The following SLC8A1 variants were observed in gnomAD, a reference collection of about 807,000 sequenced individuals.
SLC8A1 encodes the protein solute carrier family 8 member A1.
SLC8A1 carries 18 observed loss-of-function variants against 68.3 expected under a neutral mutation model. The observed-to-expected ratio is 0.26, with a 90% CI of 0.18 to 0.39. The LOEUF (loss-of-function observed/expected upper bound fraction) is 0.39, where lower values mean the gene tolerates loss of function less well. SLC8A1 is among the 10% of genes least tolerant of loss of function. The pLI, the probability that SLC8A1 is intolerant of heterozygous loss-of-function variation, is 1.00. For missense variants in SLC8A1, 985 were observed against 1,156.7 expected, an observed-to-expected ratio of 0.85 and a Z score of 2.15; for synonymous variants, 475 against 415.5, an observed-to-expected ratio of 1.14 and a Z score of -1.74.
intron 2 of SLC8A1, among the ~76,000 whole-genome samples, chr2:40,407,212 C>T (rs895051853): frequency 3.3e-5 from 5 of 152,058 alleles, no homozygotes; most frequent in African/African-American, 1.2e-4. Context: ...ATTACAGGTG[C>T]CCACCACCGG....
At chr2:40,339,615 G>C (rs1056680020) in intron 2 of SLC8A1, among the ~76,000 whole-genome samples, 1 of 152,162 alleles carries the variant, frequency 6.6e-6, no homozygotes, top group African/African-American at 2.4e-5. Flanking sequence ...AACTAATATA[G>C]GTTATGAAAT....
At chr2:40,329,012 G>T (rs1182405884) in intron 2 of SLC8A1, among the ~76,000 whole-genome samples, 1 of 150,262 alleles carries the variant, frequency 6.7e-6, no homozygotes, top group Non-Finnish European at 1.5e-5. Flanking sequence ...GTCCCTTATG[G>T]TTTCAACTCA....
intron 2 of SLC8A1, among the ~76,000 whole-genome samples, chr2:40,280,171 C>G (rs546586140): frequency 1.4e-5 from 2 of 146,804 alleles, no homozygotes; most frequent in African/African-American, 5.1e-5. Context: ...ATAGTGTAAA[C>G]CTGACTAAAA....
intron 1 of SLC8A1, among the ~76,000 whole-genome samples, chr2:40,494,763 G>A (rs1198233728): frequency 1.4e-5 from 2 of 146,512 alleles, no homozygotes; most frequent in African/African-American, 2.6e-5. Context: ...TTCATTAATG[G>A]ATGTAATTTC....
At chr2:40,260,204 A>C (rs1425249780) in intron 2 of SLC8A1, among the ~76,000 whole-genome samples, 1 of 152,140 alleles carries the variant, frequency 6.6e-6, no homozygotes, top group Non-Finnish European at 1.5e-5. Context: ...ATAATAGACA[A>C]ATGTGAATTA....
At chr2:40,443,329 A>G (rs1259679954) in intron 1 of SLC8A1, among the ~76,000 whole-genome samples, 5 of 152,202 alleles carry the variant, frequency 3.3e-5, no homozygotes, top group Non-Finnish European at 5.9e-5. Context: ...ATGTGACTAT[A>G]AAACTAAGTA....
At chr2:40,436,156 G>C (rs532391716) in intron 1 of SLC8A1, among the ~76,000 whole-genome samples, 41 of 151,556 alleles carry the variant, frequency 2.7e-4, no homozygotes, top group Non-Finnish European at 4.4e-4. Flanking sequence ...AACTCTCTAA[G>C]GGCAGGGATT....
chr2:40,271,192 A>G (rs542356884), intron 2 of SLC8A1, among the ~76,000 whole-genome samples: 1 of 151,670 alleles, frequency 6.6e-6, no homozygotes, highest in Non-Finnish European at 1.5e-5. Flanking sequence ...TGGCTGACAG[A>G]GCGTGACATG....
chr2:40,157,426 G>C (rs943583821), intron 6 of SLC8A1, among the ~76,000 whole-genome samples: 1 of 152,090 alleles, frequency 6.6e-6, no homozygotes, highest in Non-Finnish European at 1.5e-5. Flanking sequence ...TGTCTCCAAA[G>C]CCAGCCTTGC....
chr2:40,113,809 G>A (rs931659001), exon 8 of SLC8A1: 1 of 152,620 alleles, frequency 6.6e-6, no homozygotes, highest in Non-Finnish European at 1.5e-5. Context: ...TTTCTCCTTG[G>A]CCTTCCTGAA....
chr2:40,239,807 C>T (rs2060964504), intron 2 of SLC8A1, among the ~76,000 whole-genome samples: 1 of 152,222 alleles, frequency 6.6e-6, no homozygotes, highest in Non-Finnish European at 1.5e-5. Flanking sequence ...GTACAATTTG[C>T]TTAATGAAAT....
intron 1 of SLC8A1, among the ~76,000 whole-genome samples, chr2:40,463,474 T>C (rs1433776052): frequency 1.3e-5 from 2 of 152,204 alleles, no homozygotes; most frequent in African/African-American, 4.8e-5. Flanking sequence ...ATAGAACAAT[T>C]AGCCTTACAG....
intron 6 of SLC8A1, among the ~76,000 whole-genome samples, chr2:40,149,517 G>A (rs2043042915): frequency 6.6e-6 from 1 of 152,172 alleles, no homozygotes; most frequent in Non-Finnish European, 1.5e-5. Flanking sequence ...TGGAGGGAAA[G>A]TATTCCATGC....
chr2:40,478,563 A>C (rs1258654360), intron 1 of SLC8A1, among the ~76,000 whole-genome samples: 1 of 152,190 alleles, frequency 6.6e-6, no homozygotes, highest in Non-Finnish European at 1.5e-5. Flanking sequence ...AAGCTCAGGT[A>C]GTTTTTTCAC....
intron 7 of SLC8A1, among the ~76,000 whole-genome samples, chr2:40,129,234 A>T (rs1269412294): frequency 1.8e-4 from 26 of 144,026 alleles, no homozygotes; most frequent in African/African-American, 5.9e-4. Flanking sequence ...GAGATGTTTC[A>T]TTTTTTTTTT....
chr2:40,315,620 G>A (rs1268089087), intron 2 of SLC8A1, among the ~76,000 whole-genome samples: 1 of 151,846 alleles, frequency 6.6e-6, no homozygotes, highest in Non-Finnish European at 1.5e-5. Flanking sequence ...CCTGCTTGAA[G>A]AATTGGTCAA....
exon 8 of SLC8A1, chr2:40,106,288 C>G (rs2034193235): frequency 6.6e-6 from 1 of 152,220 alleles, no homozygotes; most frequent in South Asian, 2.1e-4. Context: ...CCTGTAATAC[C>G]AGCACTTTGG....
At chr2:40,273,272 T>C (rs1376649678) in intron 2 of SLC8A1, among the ~76,000 whole-genome samples, 3 of 151,812 alleles carry the variant, frequency 2.0e-5, no homozygotes, top group Non-Finnish European at 4.4e-5. Context: ...TTTGTATTTT[T>C]AGTAGAGACG....
intron 6 of SLC8A1, among the ~76,000 whole-genome samples, chr2:40,155,020 A>G (rs960060315): frequency 2.6e-5 from 4 of 152,270 alleles, no homozygotes; most frequent in Admixed American, 1.3e-4. Flanking sequence ...TTGATATCAC[A>G]TAAGAAAAAG....
Sources: allele counts gnomAD v4.1 joint callset (sites outside exome capture counted in the v4.1 genomes callset), GRCh38; gene constraint gnomAD v4.1.1; transcripts MANE v1.5; gene names NCBI Gene and HGNC (gene_info 2026-07-23, HGNC 2026-07-21).